SCAI: variants seen among roughly 807,000 people sequenced by gnomAD.
SCAI encodes the protein protein SCAI.
Under a neutral mutation model 92.2 loss-of-function variants are expected in SCAI, and 24 were observed. The observed-to-expected ratio is 0.26, with a 90% CI of 0.19 to 0.37. The LOEUF (loss-of-function observed/expected upper bound fraction) is 0.37. SCAI is among the 10% of genes least tolerant of loss of function. SCAI has a pLI of 1.00. For synonymous variants in SCAI, 261 were observed against 258.6 expected (o/e 1.01, Z -0.09); for missense variants, 450 against 736.2 (o/e 0.61, Z 4.50).
Position 124,943,528 on chromosome 9 carries a change from ACT to A in SCAI, c.*9277_*9278del, listed in dbSNP as rs1349623423. Reference sequence around the variant, plus strand: ...CAGTCTCTTGAGGAGAGCTAATATAACTCTATAATCCCTATAGTGTTAAAATT... The same window carrying A: ...CAGTCTCTTGAGGAGAGCTAATATAACTATAATCCCTATAGTGTTAAAATT... On this transcript the variant is annotated 3_prime_UTR_variant, in exon 18 of 18. Coordinates refer to ENST00000336505, the MANE Select transcript of SCAI (RefSeq NM_001144877.3). 8.5e-5 allele frequency: 13 copies of A among 152,186 alleles called. No homozygotes were observed. Among genetic ancestry groups the A allele is most frequent in the East Asian group, 1.9e-4 (1 of 5,204 alleles). 9.4% of individuals were successfully genotyped at this position (152,186 alleles called of 1,614,324 possible). A position where few individuals can be genotyped will look rare whatever the true frequency, so the allele number is the denominator to read the frequency against.
intron 9 of SCAI, among the ~76,000 whole-genome samples, chr9:125,014,397 A>C (rs1832705673): frequency 6.6e-6 from 1 of 152,074 alleles, no homozygotes; most frequent in Admixed American, 6.6e-5. Flanking sequence ...ACAGAGAAAC[A>C]GAGAGCCAAA....
intron 2 of SCAI, among the ~76,000 whole-genome samples, chr9:125,122,153 A>G (rs1835167864): frequency 6.6e-6 from 1 of 152,180 alleles, no homozygotes. Flanking sequence ...TAAGGACTTC[A>G]TTTTCAGGAA....
intron 2 of SCAI, among the ~76,000 whole-genome samples, chr9:125,106,829 C>T (rs1482403939): frequency 6.7e-6 from 1 of 150,022 alleles, no homozygotes; most frequent in Non-Finnish European, 1.5e-5. Flanking sequence ...CCACCTCAGC[C>T]TCCCAAGTAG....
intron 3 of SCAI, among the ~76,000 whole-genome samples, chr9:125,038,673 T>C (rs1833251615): frequency 6.6e-6 from 1 of 152,230 alleles, no homozygotes. Context: ...CTTGACTTCA[T>C]ATTTATCATT....
At chr9:124,970,181 G>A (rs1380214913) in intron 17 of SCAI, among the ~76,000 whole-genome samples, 1 of 152,044 alleles carries the variant, frequency 6.6e-6, no homozygotes, top group Non-Finnish European at 1.5e-5. Flanking sequence ...TAAAAACTTG[G>A]AAGCAACCCA....
At chr9:125,021,641 C>CG (rs1832872252) in intron 6 of SCAI, among the ~76,000 whole-genome samples, 1 of 152,186 alleles carries the variant, frequency 6.6e-6, no homozygotes, top group South Asian at 2.1e-4. Flanking sequence ...CCATATCCTA[C>CG]ATCACAAATA....
intron 3 of SCAI, among the ~76,000 whole-genome samples, chr9:125,037,999 G>A (rs1368266670): frequency 6.6e-6 from 1 of 152,114 alleles, no homozygotes; most frequent in African/African-American, 2.4e-5. Context: ...GCTCATGCCT[G>A]TAATCCCAGC....
intron 17 of SCAI, among the ~76,000 whole-genome samples, chr9:124,967,917 T>C (rs193001399): frequency 7.2e-5 from 11 of 152,372 alleles, no homozygotes; most frequent in Admixed American, 3.9e-4. Flanking sequence ...CAGTTGCTCT[T>C]CATGTACTTC....
At chr9:125,106,116 AAAAAAAATATATATATAT>A (rs1222465823) in intron 2 of SCAI, among the ~76,000 whole-genome samples, 2 of 37,468 alleles carry the variant, frequency 5.3e-5, no homozygotes, top group Non-Finnish European at 1.1e-4. Flanking sequence ...AAAAAAAAAA[AAAAAAAATATATATATAT>A]ATATATATAT....
intron 9 of SCAI, among the ~76,000 whole-genome samples, chr9:125,009,040 G>C (rs558014304): frequency 1.3e-5 from 2 of 152,068 alleles, no homozygotes; most frequent in South Asian, 4.2e-4. Context: ...AGAAGATAAT[G>C]AAATTAAATC....
intron 6 of SCAI, among the ~76,000 whole-genome samples, chr9:125,023,383 T>C (rs1244451355): frequency 6.6e-6 from 1 of 152,224 alleles, no homozygotes; most frequent in East Asian, 1.9e-4. Context: ...CCAGCATTTC[T>C]AGGTGTTTAG....
intron 9 of SCAI, among the ~76,000 whole-genome samples, chr9:125,011,487 A>G (rs1052524915): frequency 1.3e-5 from 2 of 152,238 alleles, no homozygotes; most frequent in Non-Finnish European, 2.9e-5. Context: ...TAGAGAAAAA[A>G]GAATAAAAAG....
intron 2 of SCAI, among the ~76,000 whole-genome samples, chr9:125,106,132 T>TATATATATATATAG (rs1834788715): frequency 2.4e-5 from 2 of 82,306 alleles, no homozygotes; most frequent in South Asian, 8.4e-4. Flanking sequence ...AATATATATA[T>TATATATATATATAG]ATATATATAT....
At chr9:124,953,064 G>T (rs1831256185) in intron 17 of SCAI, 111 bp from the exon 18 acceptor site, 1 of 838,082 alleles carries the variant, frequency 1.2e-6, no homozygotes. Context: ...ATACTGGAAT[G>T]ATTCTTATTA....
chr9:125,043,922 G>A (rs1179800583), intron 3 of SCAI, among the ~76,000 whole-genome samples: 4 of 152,150 alleles, frequency 2.6e-5, no homozygotes, highest in Admixed American at 2.6e-4. Context: ...CAGCGCTCCT[G>A]GGTGCAGCTG....
chr9:125,092,131 TAAAAA>T (rs71374225), intron 2 of SCAI, among the ~76,000 whole-genome samples: 6 of 61,142 alleles, frequency 9.8e-5, no homozygotes, highest in African/African-American at 3.0e-4. Context: ...CTCCGTCTCT[TAAAAA>T]AAAAAAAAAA....
chr9:125,019,024 C>G, intron 8 of SCAI, 73 bp from the exon 9 acceptor site: 1 of 1,538,670 alleles, frequency 6.5e-7, no homozygotes, highest in South Asian at 1.1e-5. Context: ...ATTCCTTCTT[C>G]TTGACATATA....
intron 3 of SCAI, among the ~76,000 whole-genome samples, chr9:125,031,120 T>C (rs2131090492): frequency 6.6e-6 from 1 of 152,260 alleles, no homozygotes; most frequent in Non-Finnish European, 1.5e-5. Flanking sequence ...GTAGAAACCT[T>C]ATAAACTCAA....
intron 2 of SCAI, among the ~76,000 whole-genome samples, chr9:125,074,456 C>A (rs970253390): frequency 2.0e-5 from 3 of 149,546 alleles, no homozygotes; most frequent in Non-Finnish European, 3.0e-5. Flanking sequence ...GGGGGTCTCA[C>A]CATGTTGGCC....
Sources: gnomAD v4.1 joint callset for allele counts (sites outside exome capture counted in the v4.1 genomes callset) on GRCh38, gnomAD v4.1.1 for gene constraint, MANE v1.5 for transcripts, NCBI Gene and HGNC (gene_info 2026-07-23, HGNC 2026-07-21) for gene names.